Variants in CSN1S1 observed in about 807,000 individuals in gnomAD.
CSN1S1 encodes the protein alpha-S1-casein.
In CSN1S1, 63 loss-of-function variants were observed where a neutral mutation model predicts 49.1. That is an observed-to-expected ratio of 1.28 (90% CI 1.05 to 1.58). The LOEUF is 1.58. CSN1S1 is among the 40% of genes most tolerant of loss of function. The pLI, the probability that CSN1S1 is intolerant of heterozygous loss-of-function variation, is 0.00. For missense variants in CSN1S1, 260 were observed against 224.7 expected (o/e 1.16, Z -1.01); for synonymous variants, 78 against 67.1 (o/e 1.16, Z -0.79).
At chr4:69,932,776 A>G (rs1722649091) in intron 2 of CSN1S1, among the ~76,000 whole-genome samples, 170 bp downstream of exon 2, 1 of 152,000 alleles carries the variant, frequency 6.6e-6, no homozygotes, top group African/African-American at 2.4e-5. Context: ...TTTCATCATT[A>G]TTGCATAGTC....
chr4:69,935,297 G>T (rs1459896585), intron 4 of CSN1S1, among the ~76,000 whole-genome samples: 1 of 151,714 alleles, frequency 6.6e-6, no homozygotes, highest in Non-Finnish European at 1.5e-5. Context: ...CCAACACTTT[G>T]GGAGGCTGAG....
intron 15 of CSN1S1, 110 bp downstream of exon 15, chr4:69,945,114 G>A (rs1723120984): frequency 8.7e-7 from 1 of 1,148,612 alleles, no homozygotes; most frequent in African/African-American, 1.5e-5. Flanking sequence ...GCAAATCAAT[G>A]CCTACTGCAA....
intron 15 of CSN1S1, 26 bp downstream of exon 15, chr4:69,945,030 T>C: frequency 1.2e-6 from 2 of 1,607,748 alleles, no homozygotes; most frequent in Non-Finnish European, 1.7e-6. Context: ...TTACTACATC[T>C]TGATGTTCTA....
At chr4:69,937,950 A>G (rs2109719247) in intron 9 of CSN1S1, 127 bp downstream of exon 9, 2 of 551,580 alleles carry the variant, frequency 3.6e-6, no homozygotes, top group East Asian at 6.9e-5. Context: ...TAAAATGTTA[A>G]CATTTTAATT....
chr4:69,942,508 A>C (rs1236805824), intron 13 of CSN1S1, 28 bp from the exon 14 acceptor site: 2 of 1,548,680 alleles, frequency 1.3e-6, no homozygotes, highest in Admixed American at 3.7e-5. Flanking sequence ...ATGTCTAAGT[A>C]ATTTAGAATG....
intron 2 of CSN1S1, among the ~76,000 whole-genome samples, chr4:69,933,097 G>A (rs532920310): frequency 6.6e-6 from 1 of 151,712 alleles, no homozygotes; most frequent in Non-Finnish European, 1.5e-5. Flanking sequence ...CTTCCCCCAA[G>A]AAGGGATAGA....
At chr4:69,943,749 A>G (rs1366331883) in intron 14 of CSN1S1, among the ~76,000 whole-genome samples, 2 of 152,016 alleles carry the variant, frequency 1.3e-5, no homozygotes, top group East Asian at 3.9e-4. Context: ...TTCTTGTTTC[A>G]TCATCCCATG....
intron 9 of CSN1S1, 132 bp downstream of exon 9, chr4:69,937,955 T>A (rs1722845580): frequency 1.9e-6 from 1 of 532,852 alleles, no homozygotes. Context: ...TGTTAACATT[T>A]TAATTTTAAA....
rs149927680 is a variant in CSN1S1, at chr4:69,944,943, G to C, written c.496G>C (p.Asp166His). 4.3e-4 allele frequency: 697 copies of C among 1,612,650 alleles called. 6 individuals are homozygous for C. In the African/African-American group the frequency reaches 8.4e-3, roughly 20 times the overall value. ...MQYVPFPPFS[D>H]ISNPTAHENY... The stretch of plus-strand genomic sequence containing the variant: ...GTATGTTCCTTTCCCACCGTTTTCC[G>C]ACATCTCCAATCCCACTGCTCATGA... The change falls in exon 15 of 16, where the codon GAC (aspartate) becomes CAC (histidine). Residue 166 changes from aspartate (D) to histidine (H), a missense_variant. Asp to His is a moderately conservative substitution (Grantham distance 81). Transcript: ENST00000246891.
Position 69,942,037 on chromosome 4 carries a change from C to A in CSN1S1, c.343-9C>A. ...AAAATACTAAAACAGAATGTTTTCT[C>A]CTCCCTAGCAAGCTGCCCATGCCCA... is the stretch of plus-strand genomic sequence containing the variant. On this transcript the variant is annotated splice_polypyrimidine_tract_variant and intron_variant, in intron 12 of 15. Transcript: ENST00000246891. The A allele has an allele frequency of 6.9e-7, 1 of 1,456,276 alleles. No homozygotes were observed. Among genetic ancestry groups the A allele is most frequent in the Non-Finnish European group, 9.3e-7 (1 of 1,079,866 alleles). The allele number at this position is 1,456,276 out of a possible 1,614,324, so 90.2% of individuals were successfully genotyped here.
At position 69,941,001 on chromosome 4, in the gene CSN1S1, A is replaced by G. The variant is rs1722954142; in HGVS notation, c.301-18A>G. The stretch of plus-strand genomic sequence containing the variant: ...GAATGACATCCAAGCAATTGAGAAT[A>G]TTTTTCTTTTTAAATAGGAACAGTT... On this transcript the variant is annotated intron_variant, in intron 11 of 15. Coordinates refer to ENST00000246891, the MANE Select transcript of CSN1S1 (RefSeq NM_001890.2). 1.4e-6 allele frequency: 2 copies of G among 1,407,046 alleles called. No individual in the cohort carries two copies. The highest frequency in any genetic ancestry group is 9.8e-7 in the Non-Finnish European group (1 of 1,019,854). 87.2% of individuals were successfully genotyped at this position (1,407,046 alleles called of 1,614,324 possible). A position where few individuals can be genotyped will look rare whatever the true frequency, so the allele number is the denominator to read the frequency against.
Position 69,936,602 on chromosome 4 carries a change from A to C in CSN1S1, c.190A>C (p.Ile64Leu), listed in dbSNP as rs776287226. 6.2e-7 allele frequency: 1 copy of C among 1,604,472 alleles called. No individual in the cohort carries two copies. Among genetic ancestry groups the C allele is most frequent in the Non-Finnish European group, 8.5e-7 (1 of 1,174,902 alleles). ...TCTGAGAGAAAAACAGACTGATGAAATCAAGGTACCAAAGTTTTTCTTGAA... is the reference window on the plus strand; with the variant it reads ...TCTGAGAGAAAAACAGACTGATGAACTCAAGGTACCAAAGTTTTTCTTGAA... The part of the protein sequence containing the change: ...NILREKQTDE[I>L]KDTRNESTQN... Residue 64 changes from isoleucine (I) to leucine (L), a missense_variant, in exon 7 of 16, where the codon ATC becomes CTC. Transcript: ENST00000246891.
At chr4:69,940,108 C>T in intron 11 of CSN1S1, 64 bp downstream of exon 11, 1 of 584,090 alleles carries the variant, frequency 1.7e-6, no homozygotes. Flanking sequence ...AATGCACTTA[C>T]TTTCACACAC....
chr4:69,937,963 A>G (rs745484079), intron 9 of CSN1S1, 140 bp downstream of exon 9: 13 of 501,054 alleles, frequency 2.6e-5, no homozygotes, highest in Non-Finnish European at 3.7e-5. Flanking sequence ...TTTTAATTTT[A>G]AATTAATCCT....
intron 4 of CSN1S1, among the ~76,000 whole-genome samples, chr4:69,934,970 A>G (rs1374324855): frequency 6.6e-6 from 1 of 152,126 alleles, no homozygotes; most frequent in Non-Finnish European, 1.5e-5. Flanking sequence ...GGTGTTCTTT[A>G]GATTGTAAAA....
chr4:69,940,161 G>T (rs1722930620), intron 11 of CSN1S1, 117 bp downstream of exon 11: 3 of 452,054 alleles, frequency 6.6e-6, no homozygotes, highest in Admixed American at 9.3e-5. Flanking sequence ...GGGAAAACAT[G>T]CTATACCAAT....
At chr4:69,939,269 A>G in intron 10 of CSN1S1, 61 bp downstream of exon 10, 1 of 1,261,744 alleles carries the variant, frequency 7.9e-7, no homozygotes, top group Non-Finnish European at 1.1e-6. Context: ...GAAAACTTGT[A>G]CCGTGAGGAT....
chr4:69,937,799 G>T lies in CSN1S1; in HGVS notation c.220-1G>T. On this transcript the variant is annotated splice_acceptor_variant, in intron 8 of 15. Transcript: ENST00000246891. LOFTEE classifies it high-confidence loss of function. ...AAATTGATTATTTTTTCTTTCTTAA[G>T]AACTGTGTTGTGGCAGAGCCTGAGG... The T allele has an allele frequency of 6.3e-7, 1 of 1,592,724 alleles. No homozygotes were observed. The highest frequency in any genetic ancestry group is 2.3e-5 in the East Asian group (1 of 44,170).
chr4:69,942,162 G>T, intron 13 of CSN1S1, 99 bp downstream of exon 13: 6 of 745,008 alleles, frequency 8.1e-6, no homozygotes, highest in Non-Finnish European at 1.3e-5. Flanking sequence ...TATTCTGAGA[G>T]AGTGTTCTAC....
Sources: allele counts gnomAD v4.1 joint callset (sites outside exome capture counted in the v4.1 genomes callset), GRCh38; gene constraint gnomAD v4.1.1; transcripts MANE v1.5; gene names NCBI Gene and HGNC (gene_info 2026-07-23, HGNC 2026-07-21).